The following TCOF1 variants were observed in gnomAD, a reference collection of about 807,000 sequenced individuals.
The protein encoded by TCOF1 is treacle protein.
Under a neutral mutation model 149.0 loss-of-function variants are expected in TCOF1, and 33 were observed. That is an observed-to-expected ratio of 0.22 (90% CI 0.17 to 0.30). The LOEUF is 0.30. Among genes scored for constraint, TCOF1 ranks in the 10% least tolerant of loss-of-function variants. The pLI is 1.00. For synonymous variants in TCOF1, 789 were observed against 738.8 expected (o/e 1.07, Z -1.10); for missense variants, 1,728 against 1,840.7 (o/e 0.94, Z 1.12).
At chr5:150,390,543 A>C (rs934197387) in intron 19 of TCOF1, among the ~76,000 whole-genome samples, 1 of 152,152 alleles carries the variant, frequency 6.6e-6, no homozygotes, top group Non-Finnish European at 1.5e-5. Context: ...GCAAGGCCGG[A>C]ACCCGGGTCT....
At chr5:150,366,646 T>TTC (rs1393443004) in intron 3 of TCOF1, among the ~76,000 whole-genome samples, 1 of 20,508 alleles carries the variant, frequency 4.9e-5, no homozygotes, top group East Asian at 9.0e-4. Flanking sequence ...CTTCTTTTTT[T>TTC]TTTTTTTTTT....
chr5:150,368,103 T>TAGA, intron 4 of TCOF1, 186 bp downstream of exon 4: 1 of 621,858 alleles, frequency 1.6e-6, no homozygotes, highest in East Asian at 2.9e-5. Context: ...TACTTTTCTA[T>TAGA]AAAGATAAGG....
intron 26 of TCOF1, 80 bp downstream of exon 26, chr5:150,399,150 G>A: frequency 6.3e-7 from 1 of 1,589,180 alleles, no homozygotes; most frequent in Non-Finnish European, 8.6e-7. Context: ...GAGCCAGGCA[G>A]ACCTGATAGG....
chr5:150,368,932 T>C (rs1383323449), intron 5 of TCOF1, 30 bp downstream of exon 5: 2 of 1,612,506 alleles, frequency 1.2e-6, no homozygotes, highest in South Asian at 2.2e-5. Flanking sequence ...AGGAACCTAG[T>C]CCCCAGAACT....
chr5:150,379,563 G>C lies in TCOF1; in HGVS notation c.2690G>C (p.Arg897Thr). The C allele has an allele frequency of 6.2e-7, 1 of 1,614,186 alleles. No individual in the cohort carries two copies. The highest frequency in any genetic ancestry group is 1.3e-5 in the African/African-American group (1 of 75,060). Residue 897 changes from arginine (R) to threonine (T), a missense_variant, in exon 17 of 27, where the codon AGA (arginine) becomes ACA (threonine). By Grantham distance (71) the Arg-to-Thr change is moderately conservative. Around this residue, in one of 2 missense-constraint regions of TCOF1, gnomAD observed 1,696 missense variants for 1,765.4 expected, o/e 0.96. Transcript: ENST00000643257. The part of the protein sequence containing the change: ...VKPSGKTHQI[R>T]AALAPAKESP... ...CCTTCAGGGAAGACCCACCAGATCA[G>C]AGCTGCCTTGGCTCCTGCCAAGGAG... is the stretch of plus-strand genomic sequence containing the variant.
In TCOF1 at chr5:150,372,054, A is replaced by G. The variant is rs367999825; in HGVS notation, c.688A>G (p.Thr230Ala). 1 of 1,614,236 alleles carries G rather than the reference A, an allele frequency of 6.2e-7. No individual in the cohort carries two copies. Among genetic ancestry groups the G allele is most frequent in the Non-Finnish European group, 8.5e-7 (1 of 1,180,046 alleles). Residue 230 changes from threonine to alanine, a missense_variant, in exon 7 of 27, where the codon ACT becomes GCT. By Grantham distance (58) the Thr-to-Ala change is moderately conservative. This residue lies in a region of TCOF1 where 1,696 missense variants were observed against 1,765.4 expected (regional missense o/e 0.96). Transcript: ENST00000643257. ...PAQVKASSVS[T>A]KESPARKAAP... ...CCAGGTCAAAGCCTCATCAGTTTCT[A>G]CTAAGGAGTCTCCAGCAAGAAAGGC...
Position 150,376,467 on chromosome 5 carries a change from G to A in TCOF1, c.2187G>A (p.Val729=). ...GKGLQVKAAS[V]PVKGSLGQGT... Reference sequence around the variant, plus strand: ...GCCTCCAGGTGAAAGCAGCCTCAGTGCCTGTCAAGGGGTCCTTGGGGCAAG... The same window carrying A: ...GCCTCCAGGTGAAAGCAGCCTCAGTACCTGTCAAGGGGTCCTTGGGGCAAG... Residue 729 remains valine (V), a synonymous_variant, in exon 14 of 27, where the codon GTG becomes GTA. Coordinates refer to ENST00000643257, the MANE Select transcript of TCOF1 (RefSeq NM_001371623.1). The A allele has an allele frequency of 6.2e-7, 1 of 1,614,208 alleles. No individual in the cohort carries two copies.
In TCOF1 at chr5:150,379,486, C is replaced by T. The variant is rs917237010; in HGVS notation, c.2659-46C>T. On this transcript the variant is annotated intron_variant, in intron 16 of 26. Coordinates refer to ENST00000643257, the MANE Select transcript of TCOF1 (RefSeq NM_001371623.1). ...CACATCCAGCTCCTGTCTTCTCACA[C>T]GTCCACCCTCCAGGCTCTCTCCTCT... is the stretch of plus-strand genomic sequence containing the variant. 7.4e-6 allele frequency: 12 copies of T among 1,613,828 alleles called. No individual in the cohort carries two copies. In the East Asian group the frequency reaches 1.3e-4, roughly 18 times the overall value.
At chr5:150,384,814 T>C in intron 17 of TCOF1, 1 of 985,482 alleles carries the variant, frequency 1.0e-6, no homozygotes, top group Non-Finnish European at 1.2e-6. Context: ...GCTCACTAAT[T>C]ATGATTATTT....
chr5:150,374,203 C>T lies in TCOF1; in HGVS notation c.900C>T (p.Val300=), dbSNP rs2150681762. Residue 300 remains valine (V), a synonymous_variant, in exon 8 of 27, where the codon GTC becomes GTT. Transcript: ENST00000643257. ...AGGCCTCTGAAAAAATTCTCCAGGTCAGAGCTGCCTCAGCCCCTGCCAAGG... is the reference window on the plus strand; with the variant it reads ...AGGCCTCTGAAAAAATTCTCCAGGTTAGAGCTGCCTCAGCCCCTGCCAAGG... ...QVKASEKILQ[V]RAASAPAKGT... 2 of 1,612,706 alleles carry T rather than the reference C, an allele frequency of 1.2e-6. No individual in the cohort carries two copies. Among genetic ancestry groups the T allele is most frequent in the Middle Eastern group, 1.7e-4 (1 of 6,016 alleles).
chr5:150,390,452 G>C (rs1270162286), intron 19 of TCOF1, among the ~76,000 whole-genome samples: 1 of 152,112 alleles, frequency 6.6e-6, no homozygotes, highest in Non-Finnish European at 1.5e-5. Context: ...GGCATTTTAG[G>C]GTTAATGGCT....
At chr5:150,376,370 C>G in intron 13 of TCOF1, 40 bp downstream of exon 13, 1 of 1,614,154 alleles carries the variant, frequency 6.2e-7, no homozygotes, top group Non-Finnish European at 8.5e-7. Flanking sequence ...AGGGCCGCCC[C>G]TACGTGGTCC....
intron 3 of TCOF1, among the ~76,000 whole-genome samples, chr5:150,365,861 C>A (rs568255367): frequency 6.6e-6 from 1 of 151,420 alleles, no homozygotes; most frequent in Admixed American, 6.6e-5. Context: ...TCACACCCAC[C>A]GGTAATCCCA....
At chr5:150,364,046 G>C in intron 2 of TCOF1, 67 bp from the exon 3 acceptor site, 1 of 1,611,750 alleles carries the variant, frequency 6.2e-7, no homozygotes, top group African/African-American at 1.3e-5. Context: ...GGGAAGGTCT[G>C]TCTAGTCAAT....
intron 16 of TCOF1, 30 bp downstream of exon 16, chr5:150,379,438 T>C: frequency 6.2e-7 from 1 of 1,613,980 alleles, no homozygotes; most frequent in Non-Finnish European, 8.5e-7. Context: ...GATCATCCCC[T>C]ACATGGGATG....
chr5:150,391,748 A>G (rs1767493533), intron 20 of TCOF1, 91 bp downstream of exon 20: 2 of 1,316,060 alleles, frequency 1.5e-6, no homozygotes, highest in South Asian at 1.2e-5. Context: ...CATCTGCCCC[A>G]TGACCTCTGC....
rs183185533 is a variant in TCOF1, at chr5:150,366,951, G to A, written c.305-893G>A. Among the ~76,000 whole-genome samples the A allele has an allele frequency of 7.9e-4, 17 of 21,648 alleles. 5 individuals carry two copies. Among genetic ancestry groups the A allele is most frequent in the African/African-American group, 1.8e-3 (4 of 2,206 alleles). The allele number at this position is 21,648 out of a possible 152,430, so 14.2% of individuals were successfully genotyped here. On this transcript the variant is annotated intron_variant, in intron 3 of 26. Coordinates refer to ENST00000643257, the MANE Select transcript of TCOF1 (RefSeq NM_001371623.1). ...TTACAGGCGTGAGGCCACCGCGCCC[G>A]GCCCAACATTCTTCTTAACAAAAAG... is the stretch of plus-strand genomic sequence containing the variant.
intron 3 of TCOF1, among the ~76,000 whole-genome samples, chr5:150,367,087 C>T (rs1187191462): frequency 2.0e-5 from 3 of 151,924 alleles, no homozygotes; most frequent in African/African-American, 7.2e-5. Context: ...GGGCAGATCA[C>T]GAGGTCAGGA....
rs552953905 is a variant in TCOF1 at position 150,379,610 on chromosome 5, C to G, written c.2737C>G (p.Pro913Ala). Residue 913 changes from proline to alanine, a missense_variant, in exon 17 of 27, where the codon CCA becomes GCA. This residue lies in a region of TCOF1 where 1,696 missense variants were observed against 1,765.4 expected (regional missense o/e 0.96). Coordinates refer to ENST00000643257, the MANE Select transcript of TCOF1 (RefSeq NM_001371623.1). ...AKESPRKGAA[P>A]TPPGKTGPSA... ...GGAGTCCCCCAGGAAAGGGGCTGCC[C>G]CAACACCTCCTGGGAAGACAGGGCC... 1 of 1,614,014 alleles carries G rather than the reference C, an allele frequency of 6.2e-7. No homozygotes were observed. The highest frequency in any genetic ancestry group is 1.1e-5 in the South Asian group (1 of 91,074).
Sources: gnomAD v4.1 joint callset for allele counts (sites outside exome capture counted in the v4.1 genomes callset) on GRCh38, gnomAD v4.1.1 for gene constraint, gnomAD v4.1.1 regional missense constraint, MANE v1.5 for transcripts, NCBI Gene and HGNC (gene_info 2026-07-23, HGNC 2026-07-21) for gene names.